Variants in ARGLU1 observed in about 807,000 individuals in gnomAD.
The protein encoded by ARGLU1 is arginine and glutamate-rich protein 1.
ARGLU1 carries 9 observed loss-of-function variants against 37.6 expected under a neutral mutation model. The observed-to-expected ratio is 0.24, with a 90% CI of 0.14 to 0.42. The LOEUF is 0.42. Among genes scored for constraint, ARGLU1 ranks in the 10% least tolerant of loss-of-function variants. ARGLU1 has a pLI of 1.00. For synonymous variants in ARGLU1, 166 were observed against 138.5 expected (o/e 1.20, Z -1.39); for missense variants, 211 against 359.2 (o/e 0.59, Z 3.34).
chr13:106,559,888 G>T (rs1400830590), intron 1 of ARGLU1, among the ~76,000 whole-genome samples: 1 of 152,068 alleles, frequency 6.6e-6, no homozygotes, highest in Non-Finnish European at 1.5e-5. Flanking sequence ...CTAAATACAG[G>T]AGAACAGGTA....
chr13:106,547,056 T>G (rs1240827896), intron 3 of ARGLU1, among the ~76,000 whole-genome samples: 1 of 152,144 alleles, frequency 6.6e-6, no homozygotes, highest in Admixed American at 6.5e-5. Context: ...AATGGGCTCC[T>G]GATAAAAAGA....
At chr13:106,556,638 T>TA (rs780803202) in intron 3 of ARGLU1, among the ~76,000 whole-genome samples, 1 of 152,194 alleles carries the variant, frequency 6.6e-6, no homozygotes, top group Non-Finnish European at 1.5e-5. Context: ...CCGGTGCACT[T>TA]ACTATCAAAT....
chr13:106,555,158 G>C (rs1470328486), intron 3 of ARGLU1, among the ~76,000 whole-genome samples: 12 of 152,004 alleles, frequency 7.9e-5, no homozygotes, highest in Admixed American at 5.2e-4. Flanking sequence ...AGGAGTTCGA[G>C]ACCAGCCTGA....
intron 3 of ARGLU1, among the ~76,000 whole-genome samples, chr13:106,545,854 C>T (rs1880375506): frequency 6.6e-6 from 1 of 152,116 alleles, no homozygotes; most frequent in Admixed American, 6.5e-5. Flanking sequence ...CAACAGAGAG[C>T]TAAAATGTAT....
chr13:106,553,313 C>T (rs984036667), intron 3 of ARGLU1, among the ~76,000 whole-genome samples: 13 of 151,950 alleles, frequency 8.6e-5, no homozygotes, highest in Non-Finnish European at 1.8e-4. Context: ...TTTGTATTTC[C>T]CCTGAATTAT....
chr13:106,553,980 T>C (rs1006823565), intron 3 of ARGLU1, among the ~76,000 whole-genome samples: 1 of 152,176 alleles, frequency 6.6e-6, no homozygotes, highest in Admixed American at 6.5e-5. Context: ...TTTATTCTAC[T>C]ACCCCAAAGG....
intron 1 of ARGLU1, among the ~76,000 whole-genome samples, chr13:106,562,171 G>C (rs1389912547): frequency 6.6e-6 from 1 of 152,170 alleles, no homozygotes; most frequent in Non-Finnish European, 1.5e-5. Context: ...CTGTTTGCCT[G>C]CAAGTGTTAG....
chr13:106,555,835 C>T (rs887276474), intron 3 of ARGLU1, among the ~76,000 whole-genome samples: 2 of 152,166 alleles, frequency 1.3e-5, no homozygotes, highest in Non-Finnish European at 2.9e-5. Context: ...CATAATGAAC[C>T]CACCACAGCT....
In ARGLU1 at chr13:106,543,886, C is replaced by T. The variant is rs1471696061; in HGVS notation, c.*110G>A. 2.7e-6 allele frequency: 3 copies of T among 1,118,316 alleles called. No homozygotes were observed. The Admixed American group carries it at 9.8e-5, about 37-fold the overall frequency. The allele number at this position is 1,118,316 out of a possible 1,614,324, so 69.3% of individuals were successfully genotyped here. A position where few individuals can be genotyped will look rare whatever the true frequency, so the allele number is the denominator to read the frequency against. On this transcript the variant is annotated 3_prime_UTR_variant, in exon 4 of 4. Coordinates refer to ENST00000400198, the MANE Select transcript of ARGLU1 (RefSeq NM_018011.4). ...CCCCTATTAGAACAAGCTAACTTTC[C>T]AGATTTTACAAATTAAAAAAACAAA...
chr13:106,549,290 T>G (rs1013123563), intron 3 of ARGLU1, among the ~76,000 whole-genome samples: 3 of 152,182 alleles, frequency 2.0e-5, no homozygotes, highest in South Asian at 4.1e-4. Context: ...ACAGCACAAT[T>G]AGAAACTATG....
Position 106,567,316 on chromosome 13 carries a change from C to T in ARGLU1, c.347+257G>A, listed in dbSNP as rs1880996249. The stretch of plus-strand genomic sequence containing the variant: ...CCACTCCTCTCTCGCGCCAAAATCG[C>T]CTTCTCTTAAACCCTTTCTGCTCAA... On this transcript the variant is annotated intron_variant, in intron 1 of 3. Coordinates refer to ENST00000400198, the MANE Select transcript of ARGLU1 (RefSeq NM_018011.4). The surrounding 1 kb of genome is among the most constrained non-coding windows in gnomAD (Gnocchi z 4.3). 1.3e-5 allele frequency among the ~76,000 whole-genome samples: 1 copy of T among 79,740 alleles called. No homozygotes were observed. Among genetic ancestry groups the T allele is most frequent in the South Asian group, 4.7e-4 (1 of 2,116 alleles). 52.3% of individuals were successfully genotyped at this position (79,740 alleles called of 152,430 possible). A position where few individuals can be genotyped will look rare whatever the true frequency, so the allele number is the denominator to read the frequency against.
intron 1 of ARGLU1, among the ~76,000 whole-genome samples, chr13:106,563,923 C>T (rs1459209697): frequency 6.6e-6 from 1 of 152,198 alleles, no homozygotes; most frequent in Non-Finnish European, 1.5e-5. Context: ...GAGTAAGTTA[C>T]TATGCCATTA....
At chr13:106,544,280 G>A (rs992661437) in intron 3 of ARGLU1, 120 bp from the exon 4 acceptor site, 5 of 813,490 alleles carry the variant, frequency 6.1e-6, no homozygotes, top group Admixed American at 3.7e-5. Flanking sequence ...ATGCAAAAAA[G>A]GGGGTAAAAA....
Position 106,559,256 on chromosome 13 carries a change from T to C in ARGLU1, c.573+176A>G, listed in dbSNP as rs1234637791. 6 of 1,532,982 alleles carry C rather than the reference T, an allele frequency of 3.9e-6. No homozygotes were observed. In the African/African-American group the frequency reaches 5.5e-5, roughly 14 times the overall value. 95.0% of individuals were successfully genotyped at this position (1,532,982 alleles called of 1,614,324 possible). A position where few individuals can be genotyped will look rare whatever the true frequency, so the allele number is the denominator to read the frequency against. On this transcript the variant is annotated intron_variant, in intron 2 of 3. Transcript: ENST00000400198. ...ATAAAAGCTTCCAACTTTTAAGTTA[T>C]CAGTCAGCACTTCTGAATAGGCTAA...
At chr13:106,565,780 C>G in intron 1 of ARGLU1, among the ~76,000 whole-genome samples, 1 of 152,170 alleles carries the variant, frequency 6.6e-6, no homozygotes, top group East Asian at 1.9e-4. Context: ...GGTCCCTTCT[C>G]CCTCCTAAAT....
Position 106,567,457 on chromosome 13 carries a change from C to T in ARGLU1, c.347+116G>A. On this transcript the variant is annotated intron_variant, in intron 1 of 3. Coordinates refer to ENST00000400198, the MANE Select transcript of ARGLU1 (RefSeq NM_018011.4). This position sits in a 1 kb window ranked among gnomAD's most constrained non-coding sequence, Gnocchi z 4.3. The stretch of plus-strand genomic sequence containing the variant: ...CCGACCCGTTCCCGCGCCCGGTCCC[C>T]AGCCCCGGACCGTCCCCGCCATTCT... 1.4e-6 allele frequency: 1 copy of T among 708,044 alleles called. No homozygotes were observed. Among genetic ancestry groups the T allele is most frequent in the Non-Finnish European group, 2.2e-6 (1 of 460,490 alleles). The allele number at this position is 708,044 out of a possible 1,614,324, so 43.9% of individuals were successfully genotyped here. A position where few individuals can be genotyped will look rare whatever the true frequency, so the allele number is the denominator to read the frequency against.
rs1880264725 is a variant in ARGLU1, at chr13:106,541,761, A to G, written c.*2235T>C. On this transcript the variant is annotated 3_prime_UTR_variant, in exon 4 of 4. Transcript: ENST00000400198. ...TACTGTAATAAAAATAAACAAAGTCATACTTAATTCTATAATGCATTAAGA... is the reference window on the plus strand; with the variant it reads ...TACTGTAATAAAAATAAACAAAGTCGTACTTAATTCTATAATGCATTAAGA... 6.6e-6 allele frequency: 1 copy of G among 152,192 alleles called. No homozygotes were observed. The highest frequency in any genetic ancestry group is 1.5e-5 in the Non-Finnish European group (1 of 68,030). The allele number at this position is 152,192 out of a possible 1,614,324, so 9.4% of individuals were successfully genotyped here.
At chr13:106,546,000 TTAAAA>T (rs1376822741) in intron 3 of ARGLU1, among the ~76,000 whole-genome samples, 1 of 152,208 alleles carries the variant, frequency 6.6e-6, no homozygotes, top group Non-Finnish European at 1.5e-5. Context: ...CACTTTATCC[TTAAAA>T]TAAATCTGCC....
At chr13:106,566,212 G>C (rs939548119) in intron 1 of ARGLU1, among the ~76,000 whole-genome samples, 4 of 152,180 alleles carry the variant, frequency 2.6e-5, no homozygotes, top group Non-Finnish European at 1.5e-5. Context: ...AATGAGTGTT[G>C]CATGTGTTTT....
Sources: gnomAD v4.1 joint callset for allele counts (sites outside exome capture counted in the v4.1 genomes callset) on GRCh38, gnomAD v4.1.1 for gene constraint, Gnocchi (gnomAD v3.1) non-coding constraint, MANE v1.5 for transcripts, NCBI Gene and HGNC (gene_info 2026-07-23, HGNC 2026-07-21) for gene names.